The following THSD7B variants were observed in gnomAD, a reference collection of about 807,000 sequenced individuals.
THSD7B encodes the protein thrombospondin type 1 domain containing 7B.
Under a neutral mutation model 213.6 loss-of-function variants are expected in THSD7B, and 138 were observed. The observed-to-expected ratio is 0.65, with a 90% CI of 0.56 to 0.74. THSD7B has a LOEUF of 0.74. Ranked by LOEUF, THSD7B falls within the 30% of genes least tolerant of loss-of-function variation. THSD7B has a pLI of 0.00. For synonymous variants in THSD7B, 742 were observed against 687.0 expected (o/e 1.08, Z -1.25); for missense variants, 1,931 against 1,991.5 (o/e 0.97, Z 0.58).
chr2:137,189,460 G>A (rs2105013139), intron 7 of THSD7B, among the ~76,000 whole-genome samples: 1 of 152,172 alleles, frequency 6.6e-6, no homozygotes, highest in African/African-American at 2.4e-5. Context: ...GGCCTCTAGT[G>A]TCACCACTTA....
chr2:137,583,376 C>T (rs1176103843), intron 17 of THSD7B, among the ~76,000 whole-genome samples: 4 of 152,128 alleles, frequency 2.6e-5, no homozygotes, highest in African/African-American at 7.2e-5. Flanking sequence ...GCTTTTGTTG[C>T]CGTTGTTTTT....
intron 5 of THSD7B, among the ~76,000 whole-genome samples, chr2:137,121,605 C>A (rs1688548541): frequency 6.6e-6 from 1 of 152,122 alleles, no homozygotes; most frequent in South Asian, 2.1e-4. Flanking sequence ...AATCCTATAG[C>A]CCTAAGTTCA....
rs951559617 is a variant in THSD7B at position 137,397,605 on chromosome 2, C to G, written c.2501-8008C>G. ...CTCTGGCTGCTCTTAACATTTTTTCCTTCATTTCAACTTTGGTGAATCTGA... is the reference window on the plus strand; with the variant it reads ...CTCTGGCTGCTCTTAACATTTTTTCGTTCATTTCAACTTTGGTGAATCTGA... On this transcript the variant is annotated intron_variant, in intron 12 of 27. Transcript: ENST00000409968. 1.7e-4 allele frequency among the ~76,000 whole-genome samples: 26 copies of G among 150,720 alleles called. No individual in the cohort carries two copies. In the East Asian group the frequency reaches 2.0e-3, roughly 11 times the overall value.
At chr2:137,608,870 T>G (rs1377034363) in intron 17 of THSD7B, among the ~76,000 whole-genome samples, 1 of 152,258 alleles carries the variant, frequency 6.6e-6, no homozygotes, top group Non-Finnish European at 1.5e-5. Flanking sequence ...CCGGCCCTTC[T>G]AACTGACCAG....
chr2:137,277,392 T>G (rs1682900015), intron 12 of THSD7B, among the ~76,000 whole-genome samples: 1 of 152,076 alleles, frequency 6.6e-6, no homozygotes, highest in Non-Finnish European at 1.5e-5. Flanking sequence ...ACACCAACAT[T>G]AGAGCATTCC....
At chr2:137,280,875 C>T (rs1210679225) in intron 12 of THSD7B, among the ~76,000 whole-genome samples, 1 of 152,008 alleles carries the variant, frequency 6.6e-6, no homozygotes, top group Non-Finnish European at 1.5e-5. Context: ...GTGTATTTCT[C>T]CAGGGACCGA....
chr2:136,767,068 G>A (rs1280035981), intron 1 of THSD7B, among the ~76,000 whole-genome samples: 3 of 152,050 alleles, frequency 2.0e-5, no homozygotes, highest in African/African-American at 7.2e-5. Flanking sequence ...GATGTCAAAG[G>A]GATACAGTTA....
chr2:137,418,256 T>C (rs1367450091), intron 14 of THSD7B, among the ~76,000 whole-genome samples: 2 of 152,124 alleles, frequency 1.3e-5, no homozygotes, highest in African/African-American at 4.8e-5. Flanking sequence ...CCATCCACTG[T>C]CCTCACTCAG....
chr2:137,265,169 A>G (rs918156946), intron 10 of THSD7B, among the ~76,000 whole-genome samples: 62 of 152,178 alleles, frequency 4.1e-4, no homozygotes, highest in African/African-American at 1.4e-3. Context: ...ATCATTTTTT[A>G]TGGCTGCATA....
chr2:137,216,073 A>G (rs2105039278), intron 7 of THSD7B, among the ~76,000 whole-genome samples: 1 of 152,284 alleles, frequency 6.6e-6, no homozygotes, highest in Non-Finnish European at 1.5e-5. Flanking sequence ...TAGAAACCGT[A>G]TTGCAGTCAT....
chr2:137,230,163 G>A (rs991034926), intron 7 of THSD7B, among the ~76,000 whole-genome samples: 4 of 152,260 alleles, frequency 2.6e-5, no homozygotes, highest in African/African-American at 9.6e-5. Flanking sequence ...TAAACAACCT[G>A]AGAGTTTTAA....
At chr2:137,157,261 C>T (rs140665214) in intron 5 of THSD7B, among the ~76,000 whole-genome samples, 1 of 152,322 alleles carries the variant, frequency 6.6e-6, no homozygotes, top group East Asian at 1.9e-4. Context: ...TCATTGTGAG[C>T]TGGTGCCCCA....
intron 2 of THSD7B, among the ~76,000 whole-genome samples, chr2:136,911,294 G>T (rs758755170): frequency 6.6e-6 from 1 of 151,996 alleles, no homozygotes; most frequent in South Asian, 2.1e-4. Context: ...TGTTGAAATT[G>T]CTCTTTAAAT....
intron 12 of THSD7B, among the ~76,000 whole-genome samples, chr2:137,397,353 A>C (rs1325058436): frequency 6.6e-6 from 1 of 152,050 alleles, no homozygotes; most frequent in African/African-American, 2.4e-5. Flanking sequence ...CTTTTAGGGC[A>C]GGCCTGGTGG....
At position 137,056,899 on chromosome 2, in the gene THSD7B, A is replaced by G. The variant is rs536163263; in HGVS notation, c.619A>G (p.Ile207Val). ...ATTGCAGCATAGAACTCGCGCGGTC[A>G]TAGCTCCCCCTCTCTTTGGTGGTTT... The part of the protein sequence containing the change: ...KKLQHRTRAV[I>V]APPLFGGLQC... Residue 207 changes from isoleucine to valine, a missense_variant, in exon 3 of 28, where the codon ATA (isoleucine) becomes GTA (valine). Coordinates refer to ENST00000409968, the MANE Select transcript of THSD7B (RefSeq NM_001316349.2). 6.8e-6 allele frequency: 11 copies of G among 1,613,916 alleles called. No individual in the cohort carries two copies. In the South Asian group the frequency reaches 7.7e-5, roughly 11 times the overall value.
intron 17 of THSD7B, among the ~76,000 whole-genome samples, chr2:137,586,145 C>T (rs1390114120): frequency 6.6e-6 from 1 of 152,102 alleles, no homozygotes; most frequent in African/African-American, 2.4e-5. Context: ...TTATCAGAGA[C>T]TAGGATTGCA....
chr2:137,626,520 T>C (rs1682635368), intron 20 of THSD7B, among the ~76,000 whole-genome samples: 1 of 151,936 alleles, frequency 6.6e-6, no homozygotes, highest in Non-Finnish European at 1.5e-5. Flanking sequence ...TTTTTTTCCA[T>C]TGTTCTCACC....
chr2:137,011,978 T>TA (rs1383408281), intron 2 of THSD7B, among the ~76,000 whole-genome samples: 2 of 152,064 alleles, frequency 1.3e-5, no homozygotes, highest in African/African-American at 2.4e-5. Context: ...ATAGACCACA[T>TA]AAAAAATACG....
intron 20 of THSD7B, among the ~76,000 whole-genome samples, chr2:137,635,754 C>T (rs1042806201): frequency 1.3e-5 from 2 of 151,270 alleles, no homozygotes; most frequent in South Asian, 4.2e-4. Context: ...TCACAGGCTA[C>T]AGTGCAGTGG....
Sources: allele counts gnomAD v4.1 joint callset (sites outside exome capture counted in the v4.1 genomes callset), GRCh38; gene constraint gnomAD v4.1.1; transcripts MANE v1.5; gene names NCBI Gene and HGNC (gene_info 2026-07-23, HGNC 2026-07-21).